OLFML2A: variants seen among roughly 807,000 people sequenced by gnomAD.
OLFML2A encodes the protein olfactomedin like 2A.
A neutral mutation model predicts 60.9 loss-of-function variants in OLFML2A; 47 were observed. The observed-to-expected ratio is 0.77, with a 90% CI of 0.61 to 0.98. The LOEUF is 0.98. Ranked by LOEUF, OLFML2A falls within the 50% of genes least tolerant of loss-of-function variation. The pLI, the probability that OLFML2A is intolerant of heterozygous loss-of-function variation, is 0.00. For missense variants in OLFML2A, 922 were observed against 879.8 expected (o/e 1.05, Z -0.61); for synonymous variants, 372 against 375.0 (o/e 0.99, Z 0.09).
chr9:124,808,683 C>T (rs1040126394), intron 7 of OLFML2A, among the ~76,000 whole-genome samples: 1 of 151,828 alleles, frequency 6.6e-6, no homozygotes, highest in Non-Finnish European at 1.5e-5. Context: ...GTAAGCCATG[C>T]GGAAGGGAGA....
rs969151262 is a variant in OLFML2A, at chr9:124,804,079, G to T, written c.920-15G>T. 6.2e-7 allele frequency: 1 copy of T among 1,613,080 alleles called. No individual in the cohort carries two copies. The highest frequency in any genetic ancestry group is 1.3e-5 in the African/African-American group (1 of 74,924). On this transcript the variant is annotated splice_polypyrimidine_tract_variant and intron_variant, in intron 5 of 7. Transcript: ENST00000373580. ...GTGGTGCTGAGATTTGAGCACAGGG[G>T]TCTTCTCTCTGCAGACAACACCCTC... is the stretch of plus-strand genomic sequence containing the variant.
intron 1 of OLFML2A, among the ~76,000 whole-genome samples, chr9:124,783,001 C>T (rs1430917841): frequency 4.6e-5 from 7 of 151,930 alleles, no homozygotes; most frequent in African/African-American, 2.4e-5. Flanking sequence ...AGAGTTAGGG[C>T]GCTAACTCTG....
Position 124,814,583 on chromosome 9 carries a change from C to G in OLFML2A, c.*4171C>G, listed in dbSNP as rs1170010101. Reference sequence around the variant, plus strand: ...CAGGCAGTAGAGTCAAGGTATAAACCAGGTCTGTTTTTGTACCAGAGTCCC... The same window carrying G: ...CAGGCAGTAGAGTCAAGGTATAAACGAGGTCTGTTTTTGTACCAGAGTCCC... On this transcript the variant is annotated 3_prime_UTR_variant, in exon 8 of 8. Coordinates refer to ENST00000373580, the MANE Select transcript of OLFML2A (RefSeq NM_182487.4). The G allele has an allele frequency of 6.6e-6, 1 of 152,152 alleles. No homozygotes were observed. The highest frequency in any genetic ancestry group is 6.6e-5 in the Admixed American group (1 of 15,258). The allele number at this position is 152,152 out of a possible 1,614,324, so 9.4% of individuals were successfully genotyped here. A position where few individuals can be genotyped will look rare whatever the true frequency, so the allele number is the denominator to read the frequency against.
intron 4 of OLFML2A, 83 bp downstream of exon 4, chr9:124,799,574 G>A: frequency 8.8e-7 from 1 of 1,140,466 alleles, no homozygotes; most frequent in Non-Finnish European, 1.3e-6. Flanking sequence ...CTGTGGATCA[G>A]CTCGATGGGG....
At position 124,779,551 on chromosome 9, in the gene OLFML2A, G is replaced by GA. The variant is rs1459955688; in HGVS notation, c.90+2191_90+2192insA. ...CTAGGTTGTGTGTGTGTGTGGTGGG[G>GA]GGGGGGTGTTTAGCTGTCCCAGGAC... On this transcript the variant is annotated intron_variant, in intron 1 of 7. Coordinates refer to ENST00000373580, the MANE Select transcript of OLFML2A (RefSeq NM_182487.4). This position sits in a 1 kb window ranked among gnomAD's most constrained non-coding sequence, Gnocchi z 4.1. Among the ~76,000 whole-genome samples, 2 of 152,100 alleles carry GA rather than the reference G, an allele frequency of 1.3e-5. No individual in the cohort carries two copies. Among genetic ancestry groups the GA allele is most frequent in the South Asian group, 2.1e-4 (1 of 4,810 alleles).
intron 7 of OLFML2A, 77 bp from the exon 8 acceptor site, chr9:124,809,730 GC>G: frequency 6.6e-7 from 1 of 1,507,536 alleles, no homozygotes; most frequent in Non-Finnish European, 8.9e-7. Flanking sequence ...GCCACTGAGA[GC>G]CCTTGGTGGG....
chr9:124,783,407 G>A (rs1304699652), intron 1 of OLFML2A, among the ~76,000 whole-genome samples: 2 of 152,090 alleles, frequency 1.3e-5, no homozygotes, highest in Non-Finnish European at 2.9e-5. Flanking sequence ...AGGAGGTCAA[G>A]GTGTGATAAG....
In OLFML2A at chr9:124,809,963, G is replaced by A. The variant is rs1359171396; in HGVS notation, c.1510G>A (p.Asp504Asn). ...RFVASWALLPDVVYEDTTPWK... is the reference protein window; with the variant it reads ...RFVASWALLPNVVYEDTTPWK... ...CGTGGCCTCCTGGGCGCTGCTGCCC[G>A]ACGTGGTATATGAGGACACCACACC... Residue 504 changes from aspartate to asparagine, a missense_variant, in exon 8 of 8, where the codon GAC (aspartate) becomes AAC (asparagine). Transcript: ENST00000373580. 7 of 1,614,054 alleles carry A rather than the reference G, an allele frequency of 4.3e-6. No individual in the cohort carries two copies. The highest frequency in any genetic ancestry group is 2.2e-5 in the East Asian group (1 of 44,884).
chr9:124,787,122 G>C lies in OLFML2A; in HGVS notation c.238G>C (p.Val80Leu). The change falls in exon 2 of 8, where the codon GTG becomes CTG. Residue 80 changes from valine (V) to leucine (L), a missense_variant. Transcript: ENST00000373580. ...GGAGGACTTCTACACGGTGGAGACT[G>C]TGAGCTCGGGCACTGACTGCCGCTG... ...RVEDFYTVET[V>L]SSGTDCRCSC... is the part of the protein sequence containing the mutation. 1 of 1,614,218 alleles carries C rather than the reference G, an allele frequency of 6.2e-7. No homozygotes were observed. The highest frequency in any genetic ancestry group is 8.5e-7 in the Non-Finnish European group (1 of 1,180,036).
At chr9:124,802,663 A>G (rs752615166) in intron 5 of OLFML2A, among the ~76,000 whole-genome samples, 2 of 152,240 alleles carry the variant, frequency 1.3e-5, no homozygotes, top group Admixed American at 6.5e-5. Flanking sequence ...CTGCCCTGGC[A>G]GGCTGCTTAG....
chr9:124,796,853 G>T (rs1404875609), intron 3 of OLFML2A, among the ~76,000 whole-genome samples: 2 of 152,212 alleles, frequency 1.3e-5, no homozygotes, highest in Non-Finnish European at 2.9e-5. Context: ...GGATTCTACT[G>T]GTTAGAGGCC....
rs1405837984 is a variant in OLFML2A, at chr9:124,812,306, CCCA to C, written c.*1902_*1904del. 3 of 152,132 alleles carry C rather than the reference CCCA, an allele frequency of 2.0e-5. No homozygotes were observed. The highest frequency in any genetic ancestry group is 4.8e-5 in the African/African-American group (2 of 41,372). 9.4% of individuals were successfully genotyped at this position (152,132 alleles called of 1,614,324 possible). ...CTCCCTAGTAGCTGGGACTACAGCACCCACCACCACACCCAGCTAATTTTTGTA... is the reference window on the plus strand; with the variant it reads ...CTCCCTAGTAGCTGGGACTACAGCACCCACCACACCCAGCTAATTTTTGTA... On this transcript the variant is annotated 3_prime_UTR_variant, in exon 8 of 8. Transcript: ENST00000373580.
chr9:124,808,747 A>G (rs2131281841), intron 7 of OLFML2A, among the ~76,000 whole-genome samples: 1 of 152,038 alleles, frequency 6.6e-6, no homozygotes, highest in Non-Finnish European at 1.5e-5. Context: ...TGGCAATGAG[A>G]GGAAACGTGA....
chr9:124,777,282 C>G lies in OLFML2A; in HGVS notation c.12C>G (p.Ala4=). The change falls in exon 1 of 8, where the codon GCC becomes GCG. Residue 4 remains alanine, a synonymous_variant. Coordinates refer to ENST00000373580, the MANE Select transcript of OLFML2A (RefSeq NM_182487.4). This position sits in a 1 kb window ranked among gnomAD's most constrained non-coding sequence, Gnocchi z 6.2. Reference sequence around the variant, plus strand: ...GTGCCCGTGGCGCCATGGCCGCTGCCGCCCTCCCGCCCCGGCCGCTGCTCC... The same window carrying G: ...GTGCCCGTGGCGCCATGGCCGCTGCGGCCCTCCCGCCCCGGCCGCTGCTCC... The part of the protein sequence containing the change: MAA[A]ALPPRPLLLL... 1 of 1,228,974 alleles carries G rather than the reference C, an allele frequency of 8.1e-7. No individual in the cohort carries two copies. The highest frequency in any genetic ancestry group is 1.0e-6 in the Non-Finnish European group (1 of 973,056). 76.1% of individuals were successfully genotyped at this position (1,228,974 alleles called of 1,614,324 possible). A position where few individuals can be genotyped will look rare whatever the true frequency, so the allele number is the denominator to read the frequency against.
intron 1 of OLFML2A, among the ~76,000 whole-genome samples, chr9:124,786,116 CAAACA>C (rs557739486): frequency 6.6e-6 from 1 of 152,008 alleles, no homozygotes; most frequent in Non-Finnish European, 1.5e-5. Context: ...CCTCTCTCTA[CAAACA>C]AAACAAAACA....
chr9:124,784,728 A>C (rs967899396), intron 1 of OLFML2A, among the ~76,000 whole-genome samples: 1 of 152,088 alleles, frequency 6.6e-6, no homozygotes, highest in Non-Finnish European at 1.5e-5. Context: ...CCCCATACCA[A>C]TTAAGCAGCC....
At chr9:124,784,947 T>TTTTTTTTA (rs1841431366) in intron 1 of OLFML2A, among the ~76,000 whole-genome samples, 1 of 96,878 alleles carries the variant, frequency 1.0e-5, no homozygotes, top group Non-Finnish European at 2.0e-5. Flanking sequence ...TTACTTGTTT[T>TTTTTTTTA]TTTTTTTTTT....
At chr9:124,808,606 G>A (rs146897173) in intron 7 of OLFML2A, among the ~76,000 whole-genome samples, 134 of 152,266 alleles carry the variant, frequency 8.8e-4, no homozygotes, top group African/African-American at 3.0e-3. Flanking sequence ...TGGGAACCCA[G>A]CCTAGAGATC....
rs1841282960 is a variant in OLFML2A, at chr9:124,777,698, C to T, written c.90+338C>T. Among the ~76,000 whole-genome samples, 1 of 152,114 alleles carries T rather than the reference C, an allele frequency of 6.6e-6. No individual in the cohort carries two copies. The highest frequency in any genetic ancestry group is 2.1e-4 in the South Asian group (1 of 4,822). On this transcript the variant is annotated intron_variant, in intron 1 of 7. Coordinates refer to ENST00000373580, the MANE Select transcript of OLFML2A (RefSeq NM_182487.4). This position sits in a 1 kb window ranked among gnomAD's most constrained non-coding sequence, Gnocchi z 6.2. ...AGGGGAAGCTCCTGGCAACTGTTAC[C>T]CAACGACTCCCAGGCTTGCAGCAAG...
Sources: allele counts gnomAD v4.1 joint callset (sites outside exome capture counted in the v4.1 genomes callset), GRCh38; gene constraint gnomAD v4.1.1; non-coding constraint Gnocchi (gnomAD v3.1); transcripts MANE v1.5; gene names NCBI Gene and HGNC (gene_info 2026-07-23, HGNC 2026-07-21).